DIAPH2: variants seen among roughly 807,000 people sequenced by gnomAD.
DIAPH2 encodes diaphanous related formin 2.
In DIAPH2, 35 loss-of-function variants were observed where a neutral mutation model predicts 92.7. The observed-to-expected ratio is 0.38, with a 90% CI of 0.29 to 0.50. DIAPH2 has a LOEUF of 0.50. DIAPH2 is among the 20% of genes least tolerant of loss of function. DIAPH2 has a pLI of 0.94. For synonymous variants in DIAPH2, 301 were observed against 280.4 expected (o/e 1.07, Z -0.73); for missense variants, 701 against 819.5 (o/e 0.86, Z 1.77).
intron 17 of DIAPH2, among the ~76,000 whole-genome samples, chrX:97,064,304 A>G (rs1188102345): frequency 1.8e-5 from 2 of 111,494 alleles, no homozygotes; most frequent in Non-Finnish European, 3.8e-5. Context: ...ATCAGAAACT[A>G]ATCAGCTAAT....
chrX:97,521,297 C>A (rs1202262280), intron 26 of DIAPH2, among the ~76,000 whole-genome samples: 3 of 112,071 alleles, frequency 2.7e-5, no homozygotes, highest in Admixed American at 9.4e-5. Context: ...TTATAGCATT[C>A]CAAATGAACT....
chrX:97,043,230 G>C (rs1373053053), intron 17 of DIAPH2, among the ~76,000 whole-genome samples: 2 of 111,306 alleles, frequency 1.8e-5, no homozygotes, highest in African/African-American at 3.2e-5. Context: ...TGCACAAAAG[G>C]CTTTATCTTT....
intron 19 of DIAPH2, among the ~76,000 whole-genome samples, chrX:97,076,760 A>T (rs181346527): frequency 1.8e-5 from 2 of 111,593 alleles, no homozygotes; most frequent in East Asian, 5.7e-4. Context: ...GATTTTTAAA[A>T]ATAGGACTCA....
chrX:97,195,983 T>A (rs1483036365), intron 22 of DIAPH2, among the ~76,000 whole-genome samples: 1 of 111,716 alleles, frequency 9.0e-6, no homozygotes, highest in African/African-American at 3.3e-5. Context: ...GATGCCATTG[T>A]TTTTCAAAAT....
At chrX:97,325,480 G>A (rs978439888) in intron 23 of DIAPH2, among the ~76,000 whole-genome samples, 15 of 111,478 alleles carry the variant, frequency 1.3e-4, no homozygotes, top group African/African-American at 4.6e-4. Context: ...TGTCCAGTCT[G>A]GGCAGTTACT....
At chrX:97,410,085 C>T (rs773186408) in intron 25 of DIAPH2, among the ~76,000 whole-genome samples, 3 of 112,202 alleles carry the variant, frequency 2.7e-5, no homozygotes, top group South Asian at 3.8e-4. Flanking sequence ...CCCTGACCCC[C>T]GTGTAGCCTA....
chrX:97,411,908 C>T (rs184741343), intron 25 of DIAPH2, among the ~76,000 whole-genome samples: 2 of 111,503 alleles, frequency 1.8e-5, no homozygotes, highest in African/African-American at 6.5e-5. Flanking sequence ...TAAAGCAAGT[C>T]CTTAGAGACC....
chrX:97,472,255 CTCT>C (rs1157434465), intron 26 of DIAPH2, among the ~76,000 whole-genome samples: 1 of 112,042 alleles, frequency 8.9e-6, no homozygotes, highest in Non-Finnish European at 1.9e-5. Flanking sequence ...GATATAAATC[CTCT>C]TCTTAAAGAT....
At chrX:97,099,820 C>A in intron 20 of DIAPH2, 25 bp downstream of exon 20, 1 of 946,427 alleles carries the variant, frequency 1.1e-6, no homozygotes, top group Non-Finnish European at 1.4e-6. Flanking sequence ...TGAGGGACCA[C>A]AAACTCAGCT....
At chrX:96,838,318 C>T (rs2064912599) in intron 4 of DIAPH2, among the ~76,000 whole-genome samples, 1 of 111,572 alleles carries the variant, frequency 9.0e-6, no homozygotes, top group Admixed American at 9.5e-5. Flanking sequence ...GGCAGCAGAA[C>T]TATAGTAAGC....
intron 23 of DIAPH2, among the ~76,000 whole-genome samples, chrX:97,274,849 C>T (rs766827669): frequency 1.1e-4 from 12 of 110,522 alleles, no homozygotes; most frequent in South Asian, 3.9e-4. Context: ...TGACTCTTAA[C>T]GAGCATGCTG....
At position 97,137,280 on chromosome X, in the gene DIAPH2, T is replaced by C. The variant is rs1416870709; in HGVS notation, c.2590-4385T>C. Reference sequence around the variant, plus strand: ...ATAAACGCAGTTATACATATATATATATATATATATATATATATATATGTA... The same window carrying C: ...ATAAACGCAGTTATACATATATATACATATATATATATATATATATATGTA... On this transcript the variant is annotated intron_variant, in intron 21 of 26. Coordinates refer to ENST00000324765, the MANE Select transcript of DIAPH2 (RefSeq NM_006729.5). Among the ~76,000 whole-genome samples, 277 of 75,554 alleles carry C rather than the reference T, an allele frequency of 3.7e-3. 4 individuals are homozygous for C. Among genetic ancestry groups the C allele is most frequent in the African/African-American group, 0.013 (232 of 17,566 alleles). 65.6% of individuals were successfully genotyped at this position (75,554 alleles called of 115,157 possible). A position where few individuals can be genotyped will look rare whatever the true frequency, so the allele number is the denominator to read the frequency against.
intron 3 of DIAPH2, among the ~76,000 whole-genome samples, chrX:96,746,119 T>TC (rs1353071463): frequency 1.8e-5 from 2 of 111,278 alleles, no homozygotes; most frequent in African/African-American, 6.5e-5. Flanking sequence ...CAAGCTGGTC[T>TC]CCAACTCCTA....
chrX:97,292,705 C>T (rs1329614521), intron 23 of DIAPH2, among the ~76,000 whole-genome samples: 7 of 110,318 alleles, frequency 6.3e-5, no homozygotes, highest in Non-Finnish European at 1.3e-4. Flanking sequence ...TGCCACCATG[C>T]CCGGCTAATT....
At chrX:97,319,655 G>C (rs1432684109) in intron 23 of DIAPH2, among the ~76,000 whole-genome samples, 1 of 110,224 alleles carries the variant, frequency 9.1e-6, no homozygotes, top group African/African-American at 3.3e-5. Context: ...CAAAGTGCTG[G>C]GATAACAGGC....
Position 96,745,483 on chromosome X carries a change from T to A in DIAPH2, c.342+6721T>A, listed in dbSNP as rs371407081. Reference sequence around the variant, plus strand: ...AAAGATAATATTCAAATATAATCCTTTCTTACTCTGAAAATTGAAACTCTT... The same window carrying A: ...AAAGATAATATTCAAATATAATCCTATCTTACTCTGAAAATTGAAACTCTT... On this transcript the variant is annotated intron_variant, in intron 3 of 26. Transcript: ENST00000324765. Among the ~76,000 whole-genome samples the A allele has an allele frequency of 1.1e-4, 12 of 112,434 alleles. No homozygotes were observed. The East Asian group carries it at 3.4e-3, about 31-fold the overall frequency.
At chrX:97,329,260 C>T (rs995784214) in intron 23 of DIAPH2, among the ~76,000 whole-genome samples, 2 of 112,135 alleles carry the variant, frequency 1.8e-5, no homozygotes, top group African/African-American at 6.5e-5. Flanking sequence ...GCACATTTTG[C>T]TCTTATGTCT....
intron 17 of DIAPH2, among the ~76,000 whole-genome samples, chrX:96,975,983 C>T (rs1326896742): frequency 9.5e-6 from 1 of 105,689 alleles, no homozygotes; most frequent in Non-Finnish European, 1.9e-5. Flanking sequence ...TCTTTTCTTT[C>T]CCTCCCTCCC....
At chrX:97,233,326 C>G (rs918264198) in intron 22 of DIAPH2, among the ~76,000 whole-genome samples, 1 of 112,650 alleles carries the variant, frequency 8.9e-6, no homozygotes, top group African/African-American at 3.2e-5. Flanking sequence ...CAAATATTGT[C>G]TCTGCCACTT....
Sources: allele counts gnomAD v4.1 joint callset (sites outside exome capture counted in the v4.1 genomes callset), GRCh38; gene constraint gnomAD v4.1.1; transcripts MANE v1.5; gene names NCBI Gene and HGNC (gene_info 2026-07-23, HGNC 2026-07-21).